Variants in ENGASE observed in about 807,000 individuals in gnomAD.
ENGASE encodes the protein cytosolic endo-beta-N-acetylglucosaminidase.
Under a neutral mutation model 78.5 loss-of-function variants are expected in ENGASE, and 69 were observed. That is an observed-to-expected ratio of 0.88 (90% confidence interval 0.72 to 1.07). The LOEUF (loss-of-function observed/expected upper bound fraction) is 1.07, where lower values mean the gene tolerates loss of function less well. Among genes scored for constraint, ENGASE ranks in the 50% least tolerant of loss-of-function variants. The pLI is 0.00. For synonymous variants in ENGASE, 408 were observed against 408.9 expected, an observed-to-expected ratio of 1.00 and a Z score of 0.03; for missense variants, 943 against 988.4, an observed-to-expected ratio of 0.95 and a Z score of 0.62.
chr17:79,083,591 G>A lies in ENGASE; in HGVS notation c.1251+1G>A. On this transcript the variant is annotated splice_donor_variant, in intron 9 of 13. Coordinates refer to ENST00000579016, the MANE Select transcript of ENGASE (RefSeq NM_001042573.3). LOFTEE classifies it high-confidence loss of function. The surrounding 1 kb of genome is among the most constrained non-coding windows in gnomAD (Gnocchi z 4.9). ...TGCACGGAGGGTCTGCTATGGCCAG[G>A]TGGGTGGGTGTCTTCCCTCCGTGTC... is the stretch of plus-strand genomic sequence containing the variant. 6.2e-7 allele frequency: 1 copy of A among 1,612,860 alleles called. No individual in the cohort carries two copies. The highest frequency in any genetic ancestry group is 8.5e-7 in the Non-Finnish European group (1 of 1,178,878).
chr17:79,086,402 G>A lies in ENGASE; in HGVS notation c.*53G>A, dbSNP rs1340580143. On this transcript the variant is annotated 3_prime_UTR_variant, in exon 14 of 14. Transcript: ENST00000579016. ...GGCCTCGGGCTGAGGCCTCTTCCCG[G>A]CTGTCTGCCCCTGGCCTGCGCTGGA... 3 of 1,561,268 alleles carry A rather than the reference G, an allele frequency of 1.9e-6. No homozygotes were observed. Among genetic ancestry groups the A allele is most frequent in the Non-Finnish European group, 2.6e-6 (3 of 1,154,922 alleles).
At chr17:79,077,219 T>C (rs1396070844) in intron 1 of ENGASE, among the ~76,000 whole-genome samples, 1 of 152,234 alleles carries the variant, frequency 6.6e-6, no homozygotes, top group Non-Finnish European at 1.5e-5. Flanking sequence ...TGTGTCCATG[T>C]GGAAGCCAAG....
At position 79,074,894 on chromosome 17, in the gene ENGASE, C is replaced by CG; in HGVS notation, c.-46dup. On this transcript the variant is annotated 5_prime_UTR_variant, in exon 1 of 14. Coordinates refer to ENST00000579016, the MANE Select transcript of ENGASE (RefSeq NM_001042573.3). The stretch of plus-strand genomic sequence containing the variant: ...CACTTCCCATTGGCCGAGCGCGGCG[C>CG]GGGGGCGGGCCCGGGCCTGCGATTG... 1.6e-6 allele frequency: 2 copies of CG among 1,244,550 alleles called. No homozygotes were observed. Among genetic ancestry groups the CG allele is most frequent in the Non-Finnish European group, 2.0e-6 (2 of 993,240 alleles). The allele number at this position is 1,244,550 out of a possible 1,614,324, so 77.1% of individuals were successfully genotyped here. A position where few individuals can be genotyped will look rare whatever the true frequency, so the allele number is the denominator to read the frequency against.
intron 5 of ENGASE, 150 bp from the exon 6 acceptor site, chr17:79,080,775 C>A (rs981902549): frequency 9.6e-7 from 1 of 1,041,560 alleles, no homozygotes; most frequent in Non-Finnish European, 1.4e-6. Context: ...ACTCCACTTG[C>A]GGGGCTGTGG....
chr17:79,085,411 A>AGGGATGGAGGGGCCCT, intron 12 of ENGASE, 69 bp downstream of exon 12: 1 of 1,397,496 alleles, frequency 7.2e-7, no homozygotes, highest in Non-Finnish European at 9.7e-7. Context: ...CCAGAGCTGG[A>AGGGATGGAGGGGCCCT]GGGATGGAGG....
At chr17:79,084,457 G>GGCTGGTGGACGCGATTTGGA in intron 10 of ENGASE, 81 bp from the exon 11 acceptor site, 3 of 1,387,510 alleles carry the variant, frequency 2.2e-6, no homozygotes, top group Non-Finnish European at 2.9e-6. Context: ...TGGAGGGAGG[G>GGCTGGTGGACGCGATTTGGA]GCTGGTGGAC....
chr17:79,081,872 C>G (rs1327817899), intron 6 of ENGASE, 26 bp from the exon 7 acceptor site: 1 of 1,594,380 alleles, frequency 6.3e-7, no homozygotes, highest in Admixed American at 1.7e-5. Context: ...GCCTGGGCCT[C>G]ACAGCAGGTC....
Position 79,083,737 on chromosome 17 carries a change from C to T in ENGASE, c.1252-24C>T. The T allele has an allele frequency of 6.3e-7, 1 of 1,599,302 alleles. No homozygotes were observed. The highest frequency in any genetic ancestry group is 8.5e-7 in the Non-Finnish European group (1 of 1,171,884). ...CTGCTCTGTTGGCCTCTGCTGAGTG[C>T]CCCTGTTCTGCCCTTTTCTTCAGGA... On this transcript the variant is annotated intron_variant, in intron 9 of 13. Transcript: ENST00000579016. This position sits in a 1 kb window ranked among gnomAD's most constrained non-coding sequence, Gnocchi z 4.9.
chr17:79,086,330 T>C lies in ENGASE; in HGVS notation c.2213T>C (p.Leu738Pro). 6.2e-7 allele frequency: 1 copy of C among 1,612,902 alleles called. No individual in the cohort carries two copies. The highest frequency in any genetic ancestry group is 1.7e-5 in the Admixed American group (1 of 60,012). ...GCCGAGTGGGGCAGGGCAGTTCTGC[T>C]TTATTCAGCCCCTGCATGAGCGGAT... is the stretch of plus-strand genomic sequence containing the variant. Reference protein sequence around the residue: ...PQAEWGRAVLLYSAPA With the variant: ...PQAEWGRAVLPYSAPA Residue 738 changes from leucine (L) to proline (P), a missense_variant, in exon 14 of 14, where the codon CTT becomes CCT. By Grantham distance (98) the Leu-to-Pro change is moderately conservative. Coordinates refer to ENST00000579016, the MANE Select transcript of ENGASE (RefSeq NM_001042573.3).
intron 10 of ENGASE, 125 bp from the exon 11 acceptor site, chr17:79,084,413 T>C (rs755475739): frequency 7.7e-5 from 72 of 937,244 alleles, no homozygotes; most frequent in Non-Finnish European, 1.1e-4. Flanking sequence ...AGGACCACGA[T>C]GTGGGAGCAT....
rs1283369915 is a variant in ENGASE, at chr17:79,083,373, G to A, written c.1143-109G>A. On this transcript the variant is annotated intron_variant, in intron 8 of 13. Transcript: ENST00000579016. This position sits in a 1 kb window ranked among gnomAD's most constrained non-coding sequence, Gnocchi z 4.9. ...AGGCTGCAGTCCTCCTGGAAGTCCT[G>A]TCTTGGAGGGTGCAGGAGAGCCTCG... 1.2e-6 allele frequency: 1 copy of A among 827,916 alleles called. No individual in the cohort carries two copies. Among genetic ancestry groups the A allele is most frequent in the African/African-American group, 1.7e-5 (1 of 58,768 alleles). The allele number at this position is 827,916 out of a possible 1,614,324, so 51.3% of individuals were successfully genotyped here.
At chr17:79,076,486 C>T (rs1287041607) in intron 1 of ENGASE, among the ~76,000 whole-genome samples, 1 of 152,198 alleles carries the variant, frequency 6.6e-6, no homozygotes. Context: ...CTCACTTGAA[C>T]CCAGGAACTG....
Position 79,085,306 on chromosome 17 carries a change from G to A in ENGASE, c.1664G>A (p.Arg555His), listed in dbSNP as rs61729126. The A allele has an allele frequency of 5.9e-3, 9,534 of 1,612,462 alleles. 397 individuals are homozygous for A. The African/African-American group carries it at 0.1, about 17-fold the overall frequency. Residue 555 changes from arginine to histidine, a missense_variant, in exon 12 of 14, where the codon CGC becomes CAC. Physicochemically the swap from Arg to His is conservative, Grantham distance 29. Transcript: ENST00000579016. ...PPTKLARWVG[R>H]CGRQLSGGWV... ...ACCAAGCTGGCCAGATGGGTGGGCC[G>A]CTGCGGCCGGCAGCTGAGTGGGGGC...
Position 79,085,678 on chromosome 17 carries a change from C to T in ENGASE, c.1759C>T (p.Arg587Trp), listed in dbSNP as rs778858045. ...GCTAGACCTCCTCGTTTGCTTCTCA[C>T]GGCCGCCGGGTAGTCGGGAGGAGGA... ...LLLDLLVCFS[R>W]PPGSREEESF... is the part of the protein sequence containing the mutation. Residue 587 changes from arginine to tryptophan, a missense_variant, in exon 13 of 14, where the codon CGG (arginine) becomes TGG (tryptophan). Physicochemically the swap from Arg to Trp is moderately radical, Grantham distance 101. Coordinates refer to ENST00000579016, the MANE Select transcript of ENGASE (RefSeq NM_001042573.3). 1.2e-5 allele frequency: 19 copies of T among 1,613,862 alleles called. No individual in the cohort carries two copies. Among genetic ancestry groups the T allele is most frequent in the African/African-American group, 2.7e-5 (2 of 74,952 alleles).
Position 79,077,670 on chromosome 17 carries a change from T to C in ENGASE, c.222T>C (p.Tyr74=). 6.2e-7 allele frequency: 1 copy of C among 1,614,224 alleles called. No homozygotes were observed. The highest frequency in any genetic ancestry group is 1.3e-5 in the African/African-American group (1 of 75,072). The change falls in exon 3 of 14, where the codon TAT becomes TAC. Residue 74 remains tyrosine (Y), a synonymous_variant. Transcript: ENST00000579016. ...TTTCTGTCCTCGGACCAGTTAGATATTATGACAAGGACACCACCAAACCAA... is the reference window on the plus strand; with the variant it reads ...TTTCTGTCCTCGGACCAGTTAGATACTATGACAAGGACACCACCAAACCAA... ...SFSPDPLPVR[Y]YDKDTTKPIS...
In ENGASE at chr17:79,083,996, C is replaced by G; in HGVS notation, c.1442+45C>G. On this transcript the variant is annotated intron_variant, in intron 10 of 13. Coordinates refer to ENST00000579016, the MANE Select transcript of ENGASE (RefSeq NM_001042573.3). The surrounding 1 kb of genome is among the most constrained non-coding windows in gnomAD (Gnocchi z 4.9). ...CGGTGGGCCCACCAGCTTCTCCCATCACACGTGGTGGCCATGGAACTGGAC... is the reference window on the plus strand; with the variant it reads ...CGGTGGGCCCACCAGCTTCTCCCATGACACGTGGTGGCCATGGAACTGGAC... 3.2e-6 allele frequency: 5 copies of G among 1,551,354 alleles called. No individual in the cohort carries two copies. Among genetic ancestry groups the G allele is most frequent in the Non-Finnish European group, 4.4e-6 (5 of 1,135,018 alleles).
chr17:79,081,119 G>T lies in ENGASE; in HGVS notation c.872+46G>T, dbSNP rs779331050. The T allele has an allele frequency of 5.9e-6, 9 of 1,514,242 alleles. No homozygotes were observed. The South Asian group carries it at 1.1e-4, about 19-fold the overall frequency. The allele number at this position is 1,514,242 out of a possible 1,614,324, so 93.8% of individuals were successfully genotyped here. ...TGTGAGGGGGCAGGTGCCGTGGTGG[G>T]GGCGGGTACTGTGAGGGGTGGGTGC... On this transcript the variant is annotated intron_variant, in intron 6 of 13. Transcript: ENST00000579016.
rs111512997 is a variant in ENGASE at position 79,078,335 on chromosome 17, G to A, written c.416+471G>A. ...AGCCTGGGCAACAGAGTGAGACTCTGTCTCAAAAAAATAAAAAATAAAAAA... is the reference window on the plus strand; with the variant it reads ...AGCCTGGGCAACAGAGTGAGACTCTATCTCAAAAAAATAAAAAATAAAAAA... On this transcript the variant is annotated intron_variant, in intron 3 of 13. Coordinates refer to ENST00000579016, the MANE Select transcript of ENGASE (RefSeq NM_001042573.3). 3.8e-3 allele frequency among the ~76,000 whole-genome samples: 572 copies of A among 152,168 alleles called. 5 individuals are homozygous for A. Among genetic ancestry groups the A allele is most frequent in the African/African-American group, 0.013 (539 of 41,504 alleles).
chr17:79,079,035 C>G (rs1044037669), intron 3 of ENGASE, among the ~76,000 whole-genome samples: 7 of 152,226 alleles, frequency 4.6e-5, no homozygotes, highest in African/African-American at 1.7e-4. Context: ...TGCCTCTCTC[C>G]CTGCCTGCAC....
Sources: gnomAD v4.1 joint callset for allele counts (sites outside exome capture counted in the v4.1 genomes callset) on GRCh38, gnomAD v4.1.1 for gene constraint, Gnocchi (gnomAD v3.1) non-coding constraint, MANE v1.5 for transcripts, NCBI Gene and HGNC (gene_info 2026-07-23, HGNC 2026-07-21) for gene names.